Variants in HDAC5 observed in about 807,000 individuals in gnomAD.
HDAC5 encodes antigen NY-CO-9.
Under a neutral mutation model 133.3 loss-of-function variants are expected in HDAC5, and 25 were observed. The ratio of observed to expected loss-of-function variants is 0.19; its 90% CI spans 0.14 to 0.26. The LOEUF is 0.26. Ranked by LOEUF, HDAC5 falls within the 10% of genes least tolerant of loss-of-function variation. The probability of loss-of-function intolerance (pLI) is 1.00; values close to 1 mark genes in which losing one functional copy is unlikely to be tolerated. For missense variants in HDAC5, 1,041 were observed against 1,460.5 expected (o/e 0.71, Z 4.68); for synonymous variants, 589 against 610.8 (o/e 0.96, Z 0.53).
chr17:44,085,325 GCTT>G (rs2143123672), intron 14 of HDAC5, 170 bp from the exon 15 acceptor site: 1 of 432,732 alleles, frequency 2.3e-6, no homozygotes, highest in African/African-American at 2.1e-5. Flanking sequence ...CTCCTCTCCA[GCTT>G]TTTTTTTTTT....
intron 3 of HDAC5, among the ~76,000 whole-genome samples, chr17:44,102,023 C>T (rs1245424476): frequency 6.6e-6 from 1 of 152,224 alleles, no homozygotes; most frequent in Non-Finnish European, 1.5e-5. Context: ...AAAAACAAAG[C>T]CTCCTCTCAC....
chr17:44,117,499 T>A lies in HDAC5; in HGVS notation c.17A>T (p.Glu6Val), dbSNP rs1199379915. Residue 6 changes from glutamate (E) to valine (V), a missense_variant, in exon 2 of 27, where the codon GAG becomes GTG. Transcript: ENST00000682912. The surrounding 1 kb of genome is among the most constrained non-coding windows in gnomAD (Gnocchi z 4.2). ...TCCAACCTCCCAGCTCTTACCCGACTCGTTGGGAGAGTTCATGCCGGCTCT... is the reference window on the plus strand; with the variant it reads ...TCCAACCTCCCAGCTCTTACCCGACACGTTGGGAGAGTTCATGCCGGCTCT... MNSPN[E>V]SDGMSGREPS... 1 of 1,613,942 alleles carries A rather than the reference T, an allele frequency of 6.2e-7. No homozygotes were observed.
In HDAC5 at chr17:44,086,657, G is replaced by C. The variant is rs561414436; in HGVS notation, c.1965C>G (p.Ala655=). 1.8e-5 allele frequency: 23 copies of C among 1,300,580 alleles called. No homozygotes were observed. The South Asian group carries it at 4.4e-4, about 25-fold the overall frequency. 80.6% of individuals were successfully genotyped at this position (1,300,580 alleles called of 1,614,324 possible). ...PLSLATVPHQ[A]LGRTQSSPAA... Reference sequence around the variant, plus strand: ...CAGGGGAGGACTGGGTACGGCCCAGGGCCTGGTGGGGCACAGTGGCCAGGC... The same window carrying C: ...CAGGGGAGGACTGGGTACGGCCCAGCGCCTGGTGGGGCACAGTGGCCAGGC... Residue 655 remains alanine (A), a synonymous_variant, in exon 14 of 27, where the codon GCC becomes GCG. Coordinates refer to ENST00000682912, the MANE Select transcript of HDAC5 (RefSeq NM_005474.5).
chr17:44,089,629 C>A (rs939484146), intron 11 of HDAC5, among the ~76,000 whole-genome samples: 11 of 151,842 alleles, frequency 7.2e-5, no homozygotes, highest in African/African-American at 2.4e-4. Flanking sequence ...TGCCTGTAAT[C>A]CCAGCTACTT....
At chr17:44,089,064 G>A (rs959356892) in intron 11 of HDAC5, among the ~76,000 whole-genome samples, 7 of 151,980 alleles carry the variant, frequency 4.6e-5, no homozygotes, top group African/African-American at 1.7e-4. Context: ...GGTACTTAAG[G>A]GCTGTCTAAA....
At chr17:44,105,650 G>C (rs1056207859) in intron 3 of HDAC5, among the ~76,000 whole-genome samples, 2 of 152,170 alleles carry the variant, frequency 1.3e-5, no homozygotes, top group African/African-American at 2.4e-5. Flanking sequence ...ATTCCACTGG[G>C]GTTTAGACAC....
chr17:44,117,613 G>A lies in HDAC5; in HGVS notation c.-98C>T, dbSNP rs1054456124. 2.1e-6 allele frequency: 3 copies of A among 1,424,620 alleles called. No homozygotes were observed. Among genetic ancestry groups the A allele is most frequent in the Non-Finnish European group, 2.0e-6 (2 of 1,020,362 alleles). 88.2% of individuals were successfully genotyped at this position (1,424,620 alleles called of 1,614,324 possible). ...GAGAGACAGACGATAACAGACAGACGGACGGGACGGGAGCCCGGGGCCGCC... is the reference window on the plus strand; with the variant it reads ...GAGAGACAGACGATAACAGACAGACAGACGGGACGGGAGCCCGGGGCCGCC... On this transcript the variant is annotated 5_prime_UTR_variant, in exon 2 of 27. Transcript: ENST00000682912. This position sits in a 1 kb window ranked among gnomAD's most constrained non-coding sequence, Gnocchi z 4.2.
chr17:44,087,732 T>C lies in HDAC5; in HGVS notation c.1600-36A>G, dbSNP rs762781350. 3 of 1,532,236 alleles carry C rather than the reference T, an allele frequency of 2.0e-6. No individual in the cohort carries two copies. The South Asian group carries it at 3.8e-5, about 19-fold the overall frequency. 94.9% of individuals were successfully genotyped at this position (1,532,236 alleles called of 1,614,324 possible). A position where few individuals can be genotyped will look rare whatever the true frequency, so the allele number is the denominator to read the frequency against. Reference sequence around the variant, plus strand: ...AATATGGGGGCACATCAGCTGGGAGTTGGGGAGCAGCTGTGCAGCCTAAAA... The same window carrying C: ...AATATGGGGGCACATCAGCTGGGAGCTGGGGAGCAGCTGTGCAGCCTAAAA... On this transcript the variant is annotated intron_variant, in intron 12 of 26. Transcript: ENST00000682912.
chr17:44,101,068 C>T (rs1453798057), intron 3 of HDAC5, among the ~76,000 whole-genome samples: 1 of 149,476 alleles, frequency 6.7e-6, no homozygotes, highest in Non-Finnish European at 1.5e-5. Context: ...GGATTACAGG[C>T]GTGAGCCACT....
At chr17:44,101,896 G>T (rs2051634726) in intron 3 of HDAC5, among the ~76,000 whole-genome samples, 1 of 151,692 alleles carries the variant, frequency 6.6e-6, no homozygotes. Context: ...GGGGAGGGGG[G>T]CAGGGAAGGA....
chr17:44,080,431 A>G lies in HDAC5; in HGVS notation c.2795T>C (p.Ile932Thr). ...VAWTGGVDPP[I>T]GDVEYLTAFR... ...GGCTGTAAGGTACTCCACGTCTCCAATGGGGGGGTCCACACCTCCTGTCCA... is the reference window on the plus strand; with the variant it reads ...GGCTGTAAGGTACTCCACGTCTCCAGTGGGGGGGTCCACACCTCCTGTCCA... Residue 932 changes from isoleucine to threonine, a missense_variant, in exon 22 of 27, where the codon ATT becomes ACT. Coordinates refer to ENST00000682912, the MANE Select transcript of HDAC5 (RefSeq NM_005474.5). The G allele has an allele frequency of 2.5e-6, 4 of 1,614,012 alleles. No individual in the cohort carries two copies. Among genetic ancestry groups the G allele is most frequent in the Non-Finnish European group, 3.4e-6 (4 of 1,179,966 alleles).
chr17:44,081,138 A>C (rs182427224), intron 20 of HDAC5, among the ~76,000 whole-genome samples: 1 of 152,334 alleles, frequency 6.6e-6, no homozygotes, highest in East Asian at 1.9e-4. Flanking sequence ...TGTAGGTGAT[A>C]TTCAAAACCA....
intron 3 of HDAC5, 21 bp from the exon 4 acceptor site, chr17:44,093,855 A>G: frequency 6.8e-7 from 1 of 1,470,144 alleles, no homozygotes; most frequent in Middle Eastern, 1.8e-4. Context: ...AAGAGACAGG[A>G]AGGAGTTAGT....
chr17:44,087,848 C>CTTT, intron 12 of HDAC5, 152 bp from the exon 13 acceptor site: 10 of 680,296 alleles, frequency 1.5e-5, no homozygotes, highest in South Asian at 4.5e-5. Flanking sequence ...TCTGAGAGGA[C>CTTT]TTTTTTTTTT....
chr17:44,082,962 G>A (rs989987475), intron 18 of HDAC5, 142 bp from the exon 19 acceptor site: 2 of 726,604 alleles, frequency 2.8e-6, no homozygotes, highest in Non-Finnish European at 4.6e-6. Flanking sequence ...GCACAATTTT[G>A]TTGGGGTTTC....
chr17:44,083,107 T>C (rs2050474241), intron 18 of HDAC5, among the ~76,000 whole-genome samples: 1 of 152,104 alleles, frequency 6.6e-6, no homozygotes, highest in Non-Finnish European at 1.5e-5. Context: ...GTCTCCTGAA[T>C]AGCTAGGACT....
intron 1 of HDAC5, among the ~76,000 whole-genome samples, chr17:44,119,415 C>A (rs1371689712): frequency 1.3e-5 from 2 of 152,228 alleles, no homozygotes; most frequent in Non-Finnish European, 2.9e-5. Context: ...CCCAGTGGCA[C>A]AGAAACCAGG....
chr17:44,078,696 G>A (rs199853666), intron 25 of HDAC5, 31 bp from the exon 26 acceptor site: 1 of 1,606,566 alleles, frequency 6.2e-7, no homozygotes, highest in East Asian at 2.2e-5. Context: ...AGGGGTCAGG[G>A]AGGGCAGAGG....
chr17:44,111,121 G>T, intron 2 of HDAC5: 1 of 437,104 alleles, frequency 2.3e-6, no homozygotes, highest in Non-Finnish European at 4.4e-6. Context: ...GCTGGGGTAT[G>T]GCTGAGCACT....
Sources: gnomAD v4.1 joint callset for allele counts (sites outside exome capture counted in the v4.1 genomes callset) on GRCh38, gnomAD v4.1.1 for gene constraint, Gnocchi (gnomAD v3.1) non-coding constraint, MANE v1.5 for transcripts, NCBI Gene and HGNC (gene_info 2026-07-23, HGNC 2026-07-21) for gene names.